Variants in PPFIBP2 observed in about 807,000 individuals in gnomAD.
PPFIBP2 encodes PPFIB scaffold protein 2, also known as liprin-beta-2.
A neutral mutation model predicts 118.3 loss-of-function variants in PPFIBP2; 118 were observed. The ratio of observed to expected loss-of-function variants is 1.00; its 90% confidence interval spans 0.86 to 1.16. The LOEUF (loss-of-function observed/expected upper bound fraction) is 1.16. Among genes scored for constraint, PPFIBP2 ranks in the 50% most tolerant of loss-of-function variants. The pLI is 0.00. For synonymous variants in PPFIBP2, 414 were observed against 397.4 expected (o/e 1.04, Z -0.50); for missense variants, 1,195 against 1,073.1 (o/e 1.11, Z -1.59).
At chr11:7,577,353 T>TATGTGTGTG (rs1564994655) in intron 3 of PPFIBP2, 22 of 256,958 alleles carry the variant, frequency 8.6e-5, no homozygotes, top group African/African-American at 5.7e-4. Context: ...GTGTGTGTGT[T>TATGTGTGTG]TGTTGGGGTG....
Position 7,650,882 on chromosome 11 carries a change from A to AGGGTGATGGAGTGGTTACG in PPFIBP2, c.2165_2183dup (p.Ser729GlyfsTer68). ...AGAAGTTGTACAGTGGTCCAACCACAGGGTGATGGAGTGGTTACGATCTGT... is the reference window on the plus strand; with the variant it reads ...AGAAGTTGTACAGTGGTCCAACCACAGGGTGATGGAGTGGTTACGGGGTGATGGAGTGGTTACGATCTGT... On this transcript the variant is annotated frameshift_variant, in exon 22 of 24. Coordinates refer to ENST00000299492, the MANE Select transcript of PPFIBP2 (RefSeq NM_003621.5). LOFTEE classifies it high-confidence loss of function. 2 of 1,613,996 alleles carry AGGGTGATGGAGTGGTTACG rather than the reference A, an allele frequency of 1.2e-6. No individual in the cohort carries two copies. The highest frequency in any genetic ancestry group is 2.2e-5 in the South Asian group (2 of 91,080).
At chr11:7,656,609 T>A, downstream of PPFIBP2, 1 of 561,802 alleles carries the variant, frequency 1.8e-6, no homozygotes, top group Non-Finnish European at 3.0e-6. Context: ...TATAAACTTA[T>A]AGTGCACCTG....
Position 7,649,167 on chromosome 11 carries a change from T to C in PPFIBP2, c.1930T>C (p.Leu644=), listed in dbSNP as rs1323009188. Residue 644 remains leucine, a synonymous_variant, in exon 20 of 24, where the codon TTA becomes CTA. Coordinates refer to ENST00000299492, the MANE Select transcript of PPFIBP2 (RefSeq NM_003621.5). ...WVTRWLDDIG[L]PQYKDQFHES... Reference sequence around the variant, plus strand: ...TGTAGGGTGGCTTGATGATATTGGCTTACCCCAGTACAAAGACCAGTTTCA... The same window carrying C: ...TGTAGGGTGGCTTGATGATATTGGCCTACCCCAGTACAAAGACCAGTTTCA... 7.4e-6 allele frequency: 12 copies of C among 1,614,076 alleles called. No individual in the cohort carries two copies. Among genetic ancestry groups the C allele is most frequent in the Non-Finnish European group, 9.3e-6 (11 of 1,179,938 alleles).
the PPFIBP2 span, chr11:7,665,881 G>GTGTT: frequency 1.3e-6 from 2 of 1,536,150 alleles, no homozygotes; most frequent in Non-Finnish European, 8.7e-7. Flanking sequence ...GTGTGGCCTG[G>GTGTT]TGTTAGTGGA....
At chr11:7,583,921 A>C (rs983618109) in intron 3 of PPFIBP2, among the ~76,000 whole-genome samples, 16 of 152,184 alleles carry the variant, frequency 1.1e-4, no homozygotes, top group Non-Finnish European at 1.5e-4. Context: ...ACATTCTCCT[A>C]GGGGTATTCC....
At chr11:7,651,609 C>A in intron 22 of PPFIBP2, 47 bp from the exon 23 acceptor site, 2 of 1,535,336 alleles carry the variant, frequency 1.3e-6, no homozygotes, top group South Asian at 1.2e-5. Flanking sequence ...CCCCCTCGAG[C>A]CATTTGTATT....
chr11:7,667,030 G>GT, the PPFIBP2 span: 1 of 152,460 alleles, frequency 6.6e-6, no homozygotes, highest in Non-Finnish European at 1.5e-5. Flanking sequence ...CCCCATTTGG[G>GT]GGAAAGGGAA....
At chr11:7,586,671 T>C (rs1858259823) in intron 3 of PPFIBP2, among the ~76,000 whole-genome samples, 1 of 152,148 alleles carries the variant, frequency 6.6e-6, no homozygotes, top group South Asian at 2.1e-4. Flanking sequence ...GCCTCCTAAT[T>C]ATTCTTGGTT....
At chr11:7,602,087 CAAAAAAAAAAAA>C (rs201003988) in intron 5 of PPFIBP2, among the ~76,000 whole-genome samples, 49 of 56,202 alleles carry the variant, frequency 8.7e-4, no homozygotes, top group East Asian at 1.7e-3. Context: ...GAATGAAACT[CAAAAAAAAAAAA>C]AAAAAAAAAA....
At chr11:7,654,423 C>T (rs376838015), downstream of PPFIBP2, among the ~76,000 whole-genome samples, 5 of 152,372 alleles carry the variant, frequency 3.3e-5, no homozygotes, top group South Asian at 4.1e-4. Context: ...AGTAACACCA[C>T]GTCACCGCTG....
At chr11:7,598,252 C>G (rs1301580076) in intron 5 of PPFIBP2, 1 of 308,538 alleles carries the variant, frequency 3.2e-6, no homozygotes, top group Non-Finnish European at 6.3e-6. Context: ...AAGAGATATG[C>G]AATTTAGTCC....
chr11:7,580,462 C>A (rs932963640), intron 3 of PPFIBP2, among the ~76,000 whole-genome samples: 14 of 152,210 alleles, frequency 9.2e-5, no homozygotes, highest in African/African-American at 3.4e-4. Context: ...AGAGCAGGAG[C>A]CCTTGCCCTT....
intron 1 of PPFIBP2, among the ~76,000 whole-genome samples, chr11:7,543,467 C>T (rs1351798371): frequency 6.6e-6 from 1 of 152,224 alleles, no homozygotes; most frequent in Non-Finnish European, 1.5e-5. Flanking sequence ...ACACTGGCCC[C>T]TGTCTAGTGG....
At chr11:7,620,770 C>T (rs148581689) in intron 6 of PPFIBP2, among the ~76,000 whole-genome samples, 165 bp from the exon 7 acceptor site, 311 of 152,246 alleles carry the variant, frequency 2.0e-3, no homozygotes, top group Middle Eastern at 3.4e-3. Context: ...TGTTTTTTAA[C>T]GGCCATACAG....
At chr11:7,584,150 G>A (rs1205983071) in intron 3 of PPFIBP2, among the ~76,000 whole-genome samples, 1 of 152,192 alleles carries the variant, frequency 6.6e-6, no homozygotes, top group Non-Finnish European at 1.5e-5. Context: ...TAAGGGCAGG[G>A]ACTAAATCAT....
intron 1 of PPFIBP2, among the ~76,000 whole-genome samples, chr11:7,543,812 T>C (rs1200515305): frequency 2.0e-5 from 3 of 152,226 alleles, no homozygotes; most frequent in African/African-American, 7.2e-5. Flanking sequence ...CCTCAGAACA[T>C]ACCAGATGAT....
downstream of PPFIBP2, among the ~76,000 whole-genome samples, chr11:7,657,828 A>C (rs563997748): frequency 6.6e-6 from 1 of 152,210 alleles, no homozygotes; most frequent in Non-Finnish European, 1.5e-5. Flanking sequence ...GCCAGAGCAC[A>C]GCTCACCTTG....
At chr11:7,576,109 A>C (rs1454544449) in intron 3 of PPFIBP2, among the ~76,000 whole-genome samples, 4 of 152,082 alleles carry the variant, frequency 2.6e-5, no homozygotes, top group Non-Finnish European at 5.9e-5. Flanking sequence ...AGCCATGCTG[A>C]GGGGCATGCG....
intron 1 of PPFIBP2, among the ~76,000 whole-genome samples, chr11:7,543,364 G>A (rs1424803315): frequency 6.6e-6 from 1 of 152,210 alleles, no homozygotes; most frequent in African/African-American, 2.4e-5. Flanking sequence ...TGCCACTTGG[G>A]GAAGGGAGAG....
Sources: gnomAD v4.1 joint callset for allele counts (sites outside exome capture counted in the v4.1 genomes callset) on GRCh38, gnomAD v4.1.1 for gene constraint, MANE v1.5 for transcripts, NCBI Gene and HGNC (gene_info 2026-07-23, HGNC 2026-07-21) for gene names.